Variants in RBFOX3 observed in about 807,000 individuals in gnomAD.
RBFOX3 encodes the protein RNA binding protein fox-1 homolog 3.
In RBFOX3, 17 loss-of-function variants were observed where a neutral mutation model predicts 48.7. That is an observed-to-expected ratio of 0.35 (90% confidence interval 0.24 to 0.52). The LOEUF (loss-of-function observed/expected upper bound fraction) is 0.52, where lower values mean the gene tolerates loss of function less well. Ranked by LOEUF, RBFOX3 falls within the 20% of genes least tolerant of loss-of-function variation. RBFOX3 has a pLI of 0.94. For missense variants in RBFOX3, 382 were observed against 497.5 expected, an observed-to-expected ratio of 0.77 and a Z score of 2.21; for synonymous variants, 212 against 209.5, an observed-to-expected ratio of 1.01 and a Z score of -0.10.
At chr17:79,508,815 A>T (rs2083599558) in intron 1 of RBFOX3, 1 of 152,592 alleles carries the variant, frequency 6.6e-6, no homozygotes, top group African/African-American at 2.4e-5. Context: ...CAGAGGGCTG[A>T]GGCGGGCGGC....
At position 79,089,697 on chromosome 17, in the gene RBFOX3, T is replaced by C. The variant is rs937893356; in HGVS notation, c.*1186A>G. ...AGTGGAGCCACGTTGGGAGCCTGTATTTTTTGCTGCTTCCCTACTTCAGTG... is the reference window on the plus strand; with the variant it reads ...AGTGGAGCCACGTTGGGAGCCTGTACTTTTTGCTGCTTCCCTACTTCAGTG... On this transcript the variant is annotated 3_prime_UTR_variant, in exon 15 of 15. Coordinates refer to ENST00000693108, the MANE Select transcript of RBFOX3 (RefSeq NM_001350451.2). The C allele has an allele frequency of 6.6e-5, 10 of 152,578 alleles. No homozygotes were observed. The highest frequency in any genetic ancestry group is 2.2e-4 in the African/African-American group (9 of 41,394). 9.5% of individuals were successfully genotyped at this position (152,578 alleles called of 1,614,324 possible). A position where few individuals can be genotyped will look rare whatever the true frequency, so the allele number is the denominator to read the frequency against.
At chr17:79,185,413 T>C (rs1396077041) in intron 4 of RBFOX3, among the ~76,000 whole-genome samples, 2 of 152,066 alleles carry the variant, frequency 1.3e-5, no homozygotes, top group Non-Finnish European at 2.9e-5. Flanking sequence ...GAAGATGAGG[T>C]GGGTTGTAGC....
At chr17:79,460,157 G>A (rs1399097449) in intron 2 of RBFOX3, among the ~76,000 whole-genome samples, 1 of 152,164 alleles carries the variant, frequency 6.6e-6, no homozygotes, top group Non-Finnish European at 1.5e-5. Context: ...GATGATGAAA[G>A]TGTTCTAGAA....
At chr17:79,376,251 T>C (rs537536366) in intron 2 of RBFOX3, among the ~76,000 whole-genome samples, 2 of 152,136 alleles carry the variant, frequency 1.3e-5, no homozygotes, top group African/African-American at 4.8e-5. Context: ...AATCGACTGG[T>C]TGGAATGAAA....
At chr17:79,109,482 G>A (rs1329305366) in intron 5 of RBFOX3, among the ~76,000 whole-genome samples, 1 of 152,234 alleles carries the variant, frequency 6.6e-6, no homozygotes, top group Admixed American at 6.5e-5. Context: ...TCCCAGTTCT[G>A]CTGCCATCCT....
intron 1 of RBFOX3, among the ~76,000 whole-genome samples, chr17:79,594,369 C>T (rs2093509576): frequency 6.6e-6 from 1 of 152,194 alleles, no homozygotes; most frequent in Non-Finnish European, 1.5e-5. Context: ...AGCCCTGACC[C>T]TCTGGAGGCA....
chr17:79,398,600 G>T (rs956270026), intron 2 of RBFOX3, among the ~76,000 whole-genome samples: 13 of 152,218 alleles, frequency 8.5e-5, no homozygotes, highest in African/African-American at 3.1e-4. Context: ...GAGGCCAGGG[G>T]TGCTGCTGAA....
At chr17:79,319,599 G>A (rs953694726) in intron 2 of RBFOX3, among the ~76,000 whole-genome samples, 1 of 152,116 alleles carries the variant, frequency 6.6e-6, no homozygotes, top group African/African-American at 2.4e-5. Context: ...TATCCTGGCT[G>A]CTGGTCTTGT....
At position 79,111,030 on chromosome 17, in the gene RBFOX3, T is replaced by C. The variant is rs540138240; in HGVS notation, c.223-4242A>G. On this transcript the variant is annotated intron_variant, in intron 5 of 14. Transcript: ENST00000693108. The surrounding 1 kb of genome is among the most constrained non-coding windows in gnomAD (Gnocchi z 4.2). ...AGCTCCTGGCTGAGGGGAGAGGGCCTTGGCCAGACTGTGAAGCCTGTAGTT... is the reference window on the plus strand; with the variant it reads ...AGCTCCTGGCTGAGGGGAGAGGGCCCTGGCCAGACTGTGAAGCCTGTAGTT... Among the ~76,000 whole-genome samples the C allele has an allele frequency of 9.8e-5, 15 of 152,364 alleles. No homozygotes were observed. The highest frequency in any genetic ancestry group is 1.9e-4 in the Non-Finnish European group (13 of 68,030).
At chr17:79,281,301 A>T (rs1482000573) in intron 3 of RBFOX3, among the ~76,000 whole-genome samples, 2 of 151,148 alleles carry the variant, frequency 1.3e-5, no homozygotes, top group Non-Finnish European at 2.9e-5. Context: ...CTTAGAGAGG[A>T]CTATCCAAAT....
chr17:79,218,607 C>T (rs2059350937), intron 4 of RBFOX3, among the ~76,000 whole-genome samples: 1 of 152,146 alleles, frequency 6.6e-6, no homozygotes, highest in Admixed American at 6.5e-5. Flanking sequence ...GAAGCCCCCT[C>T]CCACCTCTGA....
intron 1 of RBFOX3, among the ~76,000 whole-genome samples, chr17:79,531,717 C>T (rs2087807317): frequency 6.6e-6 from 1 of 152,222 alleles, no homozygotes; most frequent in Non-Finnish European, 1.5e-5. Context: ...GCAGCAAACG[C>T]ACCCAGTTTC....
chr17:79,487,693 C>A (rs1351967867), intron 1 of RBFOX3, among the ~76,000 whole-genome samples: 1 of 151,928 alleles, frequency 6.6e-6, no homozygotes, highest in African/African-American at 2.4e-5. Context: ...GGGTGGATCA[C>A]GAGGTCAGGA....
rs562365480 is a variant in RBFOX3 at position 79,145,914 on chromosome 17, G to A, written c.-33-30166C>T. 1.3e-4 allele frequency among the ~76,000 whole-genome samples: 20 copies of A among 152,296 alleles called. 1 individual carries two copies. The highest frequency in any genetic ancestry group is 4.1e-4 in the South Asian group (2 of 4,830). ...GAAGACAATTTTTCCAAAGGCCGCCGGGGGCAGGGGGGTGGTTGGGGAGGG... is the reference window on the plus strand; with the variant it reads ...GAAGACAATTTTTCCAAAGGCCGCCAGGGGCAGGGGGGTGGTTGGGGAGGG... On this transcript the variant is annotated intron_variant, in intron 4 of 14. Transcript: ENST00000693108.
intron 3 of RBFOX3, among the ~76,000 whole-genome samples, chr17:79,264,467 GTTGGTAGGAT>G (rs1489512131): frequency 1.1e-4 from 16 of 151,900 alleles, no homozygotes; most frequent in African/African-American, 3.4e-4. Context: ...AGCCTCCCAA[GTTGGTAGGAT>G]TACAGGCAGA....
chr17:79,120,907 C>A (rs1435049691), intron 4 of RBFOX3, among the ~76,000 whole-genome samples: 1 of 152,074 alleles, frequency 6.6e-6, no homozygotes, highest in Non-Finnish European at 1.5e-5. Flanking sequence ...ACTCCACAGC[C>A]CACACTGAGG....
chr17:79,601,381 C>T (rs953932931), intron 1 of RBFOX3: 1 of 152,278 alleles, frequency 6.6e-6, no homozygotes, highest in Non-Finnish European at 1.5e-5. Flanking sequence ...GCCACATAGC[C>T]CCAGCTGTGG....
At chr17:79,532,516 G>C (rs2150095046) in intron 1 of RBFOX3, among the ~76,000 whole-genome samples, 1 of 152,350 alleles carries the variant, frequency 6.6e-6, no homozygotes, top group South Asian at 2.1e-4. Flanking sequence ...ACTGGGCAGG[G>C]GGCCACACGT....
chr17:79,134,609 G>A (rs1004060524), intron 4 of RBFOX3, among the ~76,000 whole-genome samples: 17 of 152,294 alleles, frequency 1.1e-4, no homozygotes, highest in Admixed American at 9.1e-4. Context: ...GCAGATTCCT[G>A]GGCTGCACCC....
Sources: gnomAD v4.1 joint callset for allele counts (sites outside exome capture counted in the v4.1 genomes callset) on GRCh38, gnomAD v4.1.1 for gene constraint, Gnocchi (gnomAD v3.1) non-coding constraint, MANE v1.5 for transcripts, NCBI Gene and HGNC (gene_info 2026-07-23, HGNC 2026-07-21) for gene names.